BANK1: variants seen among roughly 807,000 people sequenced by gnomAD.
The protein encoded by BANK1 is B-cell scaffold protein with ankyrin repeats.
A neutral mutation model predicts 94.5 loss-of-function variants in BANK1; 95 were observed. The ratio of observed to expected loss-of-function variants is 1.00; its 90% CI spans 0.85 to 1.19. The LOEUF is 1.19. Among genes scored for constraint, BANK1 ranks in the 50% most tolerant of loss-of-function variants. BANK1 has a pLI of 0.00. For synonymous variants in BANK1, 334 were observed against 308.4 expected (o/e 1.08, Z -0.87); for missense variants, 987 against 932.2 (o/e 1.06, Z -0.77).
intron 9 of BANK1, among the ~76,000 whole-genome samples, chr4:102,026,659 A>G (rs1002738443): frequency 3.9e-5 from 6 of 151,974 alleles, no homozygotes; most frequent in Non-Finnish European, 8.8e-5. Context: ...TGAAACCCCC[A>G]TCTCTACTAA....
chr4:101,799,837 G>A (rs183769398), intron 1 of BANK1, among the ~76,000 whole-genome samples: 104 of 152,226 alleles, frequency 6.8e-4, no homozygotes, highest in African/African-American at 2.5e-3. Flanking sequence ...TCGCACCACT[G>A]CACTCCAGCC....
At chr4:102,061,785 A>G (rs1340842566) in intron 12 of BANK1, 1 of 152,172 alleles carries the variant, frequency 6.6e-6, no homozygotes, top group Non-Finnish European at 1.5e-5. Flanking sequence ...GGTGCTTCAT[A>G]CTCACTACTT....
At chr4:102,004,625 A>G (rs2148938196) in intron 7 of BANK1, among the ~76,000 whole-genome samples, 1 of 152,282 alleles carries the variant, frequency 6.6e-6, no homozygotes, top group South Asian at 2.1e-4. Flanking sequence ...GAAGCCTCAT[A>G]AAGTCATAGT....
chr4:101,813,086 A>G (rs1433807525), intron 1 of BANK1, among the ~76,000 whole-genome samples: 1 of 152,096 alleles, frequency 6.6e-6, no homozygotes. Flanking sequence ...ATTATTTTTT[A>G]TAGTTTTGGA....
intron 2 of BANK1, among the ~76,000 whole-genome samples, chr4:101,853,851 C>G (rs895713370): frequency 6.6e-6 from 1 of 151,952 alleles, no homozygotes; most frequent in African/African-American, 2.4e-5. Context: ...GAGGCTACAG[C>G]TGGAATTGCT....
chr4:102,055,966 C>T (rs1728214934), intron 11 of BANK1, among the ~76,000 whole-genome samples: 1 of 151,916 alleles, frequency 6.6e-6, no homozygotes, highest in African/African-American at 2.4e-5. Context: ...AAGATTAGGG[C>T]AGGACTAGTG....
At chr4:101,960,205 C>T (rs994340573) in intron 7 of BANK1, among the ~76,000 whole-genome samples, 6 of 152,066 alleles carry the variant, frequency 3.9e-5, no homozygotes, top group African/African-American at 1.4e-4. Flanking sequence ...TATTAAGGGA[C>T]CCCTGGGTGC....
intron 10 of BANK1, among the ~76,000 whole-genome samples, chr4:102,035,680 AT>A (rs1240552426): frequency 3.3e-5 from 5 of 150,142 alleles, no homozygotes; most frequent in Non-Finnish European, 7.4e-5. Flanking sequence ...ACCCATGTTG[AT>A]TTTTTTTATC....
intron 7 of BANK1, among the ~76,000 whole-genome samples, chr4:101,995,913 A>T (rs376391438): frequency 6.6e-6 from 1 of 152,034 alleles, no homozygotes; most frequent in Non-Finnish European, 1.5e-5. Flanking sequence ...CACTCTGATG[A>T]TAGTTTTTTT....
chr4:101,834,061 C>T (rs1726730986), intron 2 of BANK1, among the ~76,000 whole-genome samples: 1 of 152,134 alleles, frequency 6.6e-6, no homozygotes, highest in South Asian at 2.1e-4. Flanking sequence ...ATTCAAAGAA[C>T]TCATGTTGTT....
chr4:102,012,661 G>A (rs1393083167), intron 7 of BANK1, among the ~76,000 whole-genome samples: 4 of 152,050 alleles, frequency 2.6e-5, no homozygotes, highest in African/African-American at 9.7e-5. Context: ...CTTCTAGCTT[G>A]GATTTCAGAA....
intron 1 of BANK1, among the ~76,000 whole-genome samples, chr4:101,804,257 G>T (rs2148851597): frequency 6.6e-6 from 1 of 152,186 alleles, no homozygotes; most frequent in Non-Finnish European, 1.5e-5. Flanking sequence ...AAAATTAACT[G>T]TAGTAAATAC....
intron 2 of BANK1, among the ~76,000 whole-genome samples, chr4:101,840,777 C>G (rs960903981): frequency 6.6e-5 from 10 of 152,158 alleles, no homozygotes; most frequent in African/African-American, 2.4e-4. Context: ...CTTCACACCT[C>G]TGTATTTCTG....
intron 7 of BANK1, among the ~76,000 whole-genome samples, chr4:101,935,465 C>T (rs1036456437): frequency 4.0e-5 from 6 of 151,442 alleles, no homozygotes; most frequent in Non-Finnish European, 8.9e-5. Context: ...TAACCCAAGA[C>T]CCATAATCTA....
intron 7 of BANK1, among the ~76,000 whole-genome samples, chr4:101,935,253 C>A (rs1476108579): frequency 6.6e-6 from 1 of 151,376 alleles, no homozygotes; most frequent in Non-Finnish European, 1.5e-5. Context: ...ATTCTAAAAG[C>A]AAAGCAATGA....
At chr4:101,902,103 C>T (rs2148893752) in intron 6 of BANK1, among the ~76,000 whole-genome samples, 1 of 152,254 alleles carries the variant, frequency 6.6e-6, no homozygotes, top group South Asian at 2.1e-4. Context: ...GCTAAGTATC[C>T]GTTTCTGACT....
chr4:101,852,470 CTATATATATATA>C (rs541955636), intron 2 of BANK1, among the ~76,000 whole-genome samples: 10 of 103,768 alleles, frequency 9.6e-5, no homozygotes, highest in East Asian at 5.7e-4. Context: ...TATTTTTCGG[CTATATATATATA>C]TATATATATA....
At chr4:101,822,670 C>A (rs1356001849) in intron 1 of BANK1, among the ~76,000 whole-genome samples, 1 of 148,800 alleles carries the variant, frequency 6.7e-6, no homozygotes, top group Non-Finnish European at 1.5e-5. Flanking sequence ...GGCTGGAGTG[C>A]GGTGGTGCAA....
chr4:101,802,864 C>G (rs1221979122), intron 1 of BANK1, among the ~76,000 whole-genome samples: 1 of 152,144 alleles, frequency 6.6e-6, no homozygotes, highest in Non-Finnish European at 1.5e-5. Flanking sequence ...ACTTTTGTTA[C>G]CTGATAGTCA....
Sources: gnomAD v4.1 joint callset for allele counts (sites outside exome capture counted in the v4.1 genomes callset) on GRCh38, gnomAD v4.1.1 for gene constraint, MANE v1.5 for transcripts, NCBI Gene and HGNC (gene_info 2026-07-23, HGNC 2026-07-21) for gene names.